BPI: variants seen among roughly 807,000 people sequenced by gnomAD.
BPI encodes the protein bactericidal permeability-increasing protein.
In BPI, 48 loss-of-function variants were observed where a neutral mutation model predicts 57.6. That is an observed-to-expected ratio of 0.83 (90% CI 0.66 to 1.06). The LOEUF (loss-of-function observed/expected upper bound fraction) is 1.06. Ranked by LOEUF, BPI falls within the 50% of genes least tolerant of loss-of-function variation. BPI has a pLI of 0.00. For missense variants in BPI, 651 were observed against 609.7 expected (o/e 1.07, Z -0.71); for synonymous variants, 237 against 238.2 (o/e 0.99, Z 0.05).
chr20:38,304,254 T>C lies in BPI; in HGVS notation c.31T>C (p.Trp11Arg). 1 of 1,614,160 alleles carries C rather than the reference T, an allele frequency of 6.2e-7. No homozygotes were observed. Among genetic ancestry groups the C allele is most frequent in the Non-Finnish European group, 8.5e-7 (1 of 1,180,024 alleles). MARGPCNAPR[W>R]ASLMVLVAIG... ...CAGGGGCCCTTGCAACGCGCCGAGA[T>C]GGGCGTCCCTGATGGTGCTGGTCGC... is the stretch of plus-strand genomic sequence containing the variant. The change falls in exon 1 of 15, where the codon TGG becomes CGG. Residue 11 changes from tryptophan to arginine, a missense_variant. Physicochemically the swap from Trp to Arg is moderately radical, Grantham distance 101. Coordinates refer to ENST00000642449, the MANE Select transcript of BPI (RefSeq NM_001725.3).
chr20:38,322,359 A>G (rs1250320015), intron 7 of BPI, among the ~76,000 whole-genome samples: 1 of 152,242 alleles, frequency 6.6e-6, no homozygotes, highest in African/African-American at 2.4e-5. Context: ...GATTAAAACA[A>G]TAAGTAATTA....
At chr20:38,321,621 G>A (rs1370168797) in intron 7 of BPI, 1 of 152,044 alleles carries the variant, frequency 6.6e-6, no homozygotes, top group East Asian at 1.9e-4. Flanking sequence ...TTGGTGATTT[G>A]CTTGTTTGTT....
intron 11 of BPI, among the ~76,000 whole-genome samples, chr20:38,329,305 T>G (rs1303252092): frequency 6.6e-6 from 1 of 152,132 alleles, no homozygotes; most frequent in Non-Finnish European, 1.5e-5. Flanking sequence ...TCAGCACATT[T>G]GCGCTGTTTT....
At chr20:38,318,293 T>C (rs2076662550) in intron 5 of BPI, 120 bp from the exon 6 acceptor site, 6 of 1,234,092 alleles carry the variant, frequency 4.9e-6, no homozygotes, top group Non-Finnish European at 7.1e-6. Flanking sequence ...GGAAACTTGA[T>C]TGGCTACATA....
intron 5 of BPI, among the ~76,000 whole-genome samples, 191 bp from the exon 6 acceptor site, chr20:38,318,222 A>G (rs1363482127): frequency 2.6e-5 from 4 of 152,150 alleles, no homozygotes; most frequent in African/African-American, 7.2e-5. Context: ...ACAGTCATAT[A>G]CAGTTATTAT....
chr20:38,306,718 G>T (rs1280184166), intron 1 of BPI, among the ~76,000 whole-genome samples: 1 of 152,144 alleles, frequency 6.6e-6, no homozygotes, highest in African/African-American at 2.4e-5. Context: ...GAGATCTGTG[G>T]GGGTGTAGCA....
At chr20:38,310,396 G>A in intron 3 of BPI, 95 bp from the exon 4 acceptor site, 1 of 1,450,718 alleles carries the variant, frequency 6.9e-7, no homozygotes, top group Non-Finnish European at 9.5e-7. Context: ...CTGGAGTGGG[G>A]ATAATAACAA....
intron 3 of BPI, 130 bp from the exon 4 acceptor site, chr20:38,310,361 C>T: frequency 2.6e-6 from 3 of 1,143,312 alleles, no homozygotes; most frequent in Non-Finnish European, 3.7e-6. Flanking sequence ...CAAGCTGCCT[C>T]TTCTCTCTGA....
rs113432519 is a variant in BPI at position 38,333,138 on chromosome 20, C to T, written c.1273-1292C>T. ...CAGCCATTTCTACCAAATGAGATTC[C>T]AAATGAAAGGACCAAATGCAACCTC... On this transcript the variant is annotated intron_variant, in intron 12 of 14. Coordinates refer to ENST00000642449, the MANE Select transcript of BPI (RefSeq NM_001725.3). Among the ~76,000 whole-genome samples the T allele has an allele frequency of 5.3e-5, 8 of 152,170 alleles. 1 individual carries two copies. The highest frequency in any genetic ancestry group is 2.1e-4 in the South Asian group (1 of 4,804).
chr20:38,323,323 T>C (rs569247139), intron 7 of BPI, among the ~76,000 whole-genome samples: 1 of 152,332 alleles, frequency 6.6e-6, no homozygotes, highest in Admixed American at 6.5e-5. Flanking sequence ...GCCAAATTGC[T>C]TTTCAGAAAC....
At chr20:38,335,482 C>T in intron 13 of BPI, 116 bp from the exon 14 acceptor site, 1 of 921,150 alleles carries the variant, frequency 1.1e-6, no homozygotes. Context: ...CCAGTCCCTA[C>T]CTAGGGCCAG....
intron 3 of BPI, 47 bp from the exon 4 acceptor site, chr20:38,310,444 A>T: frequency 1.9e-6 from 3 of 1,589,982 alleles, no homozygotes; most frequent in Non-Finnish European, 2.6e-6. Flanking sequence ...TTTGAATGTC[A>T]GTGGGAAGAA....
chr20:38,336,909 G>T (rs1179433007), intron 14 of BPI, among the ~76,000 whole-genome samples: 1 of 152,096 alleles, frequency 6.6e-6, no homozygotes, highest in Non-Finnish European at 1.5e-5. Flanking sequence ...AGCCCGGGGG[G>T]TCTCCGTGTC....
intron 12 of BPI, 79 bp from the exon 13 acceptor site, chr20:38,334,351 G>A (rs1034625453): frequency 1.3e-5 from 18 of 1,347,088 alleles, no homozygotes; most frequent in Non-Finnish European, 1.8e-5. Context: ...GGGTGACAGA[G>A]GTGGGGTGAT....
chr20:38,307,249 T>C (rs1183363334), intron 1 of BPI, among the ~76,000 whole-genome samples: 1 of 152,094 alleles, frequency 6.6e-6, no homozygotes, highest in Non-Finnish European at 1.5e-5. Flanking sequence ...GTGAAAATTA[T>C]ATGAAATTCT....
Position 38,335,674 on chromosome 20 carries a change from G to C in BPI, c.1413G>C (p.Gln471His). The stretch of plus-strand genomic sequence containing the variant: ...ACAACGTAGTGCTTCAGCCTCACCA[G>C]GTGAGTCCCGGAGTCTTTTCCACAA... ...QLYNVVLQPHQNFLLFGADVV... is the reference protein window; with the variant it reads ...QLYNVVLQPHHNFLLFGADVV... Residue 471 changes from glutamine (Q) to histidine (H), a missense_variant and splice_region_variant, in exon 14 of 15, where the codon CAG (glutamine) becomes CAC (histidine). Gln to His is a conservative substitution (Grantham distance 24). Transcript: ENST00000642449. 3 of 1,613,998 alleles carry C rather than the reference G, an allele frequency of 1.9e-6. No individual in the cohort carries two copies. The highest frequency in any genetic ancestry group is 2.5e-6 in the Non-Finnish European group (3 of 1,179,866).
chr20:38,334,442 C>G lies in BPI; in HGVS notation c.1285C>G (p.Gln429Glu). ...CTCTGATTTCCAGGTTGAATTGCTGCAGGATATCATGAACTACATTGTACC... is the reference window on the plus strand; with the variant it reads ...CTCTGATTTCCAGGTTGAATTGCTGGAGGATATCATGAACTACATTGTACC... Reference protein sequence around the residue: ...NIGPFPVELLQDIMNYIVPIL... With the variant: ...NIGPFPVELLEDIMNYIVPIL... Residue 429 changes from glutamine (Q) to glutamate (E), a missense_variant, in exon 13 of 15, where the codon CAG (glutamine) becomes GAG (glutamate). By Grantham distance (29) the Gln-to-Glu change is conservative. Transcript: ENST00000642449. 6.2e-7 allele frequency: 1 copy of G among 1,613,990 alleles called. No individual in the cohort carries two copies. Among genetic ancestry groups the G allele is most frequent in the Non-Finnish European group, 8.5e-7 (1 of 1,179,854 alleles).
chr20:38,304,651 A>G lies in BPI; in HGVS notation c.130+298A>G, dbSNP rs6024718. On this transcript the variant is annotated intron_variant, in intron 1 of 14. Transcript: ENST00000642449. Reference sequence around the variant, plus strand: ...TCTATGTAACCTCCACCTTTGACTTATAAGCCCTTCTCTTCTTTCCAAAGC... The same window carrying G: ...TCTATGTAACCTCCACCTTTGACTTGTAAGCCCTTCTCTTCTTTCCAAAGC... 0.7 allele frequency among the ~76,000 whole-genome samples: 105,850 copies of G among 152,052 alleles called. 38,280 individuals carry two copies. The highest frequency in any genetic ancestry group is 0.8 in the Non-Finnish European group (54,383 of 67,966).
chr20:38,324,233 T>C (rs984939925), intron 8 of BPI, among the ~76,000 whole-genome samples, 187 bp downstream of exon 8: 3 of 152,224 alleles, frequency 2.0e-5, no homozygotes, highest in African/African-American at 7.2e-5. Context: ...GGTCAATTAC[T>C]GTACCTCTCA....
Sources: gnomAD v4.1 joint callset for allele counts (sites outside exome capture counted in the v4.1 genomes callset) on GRCh38, gnomAD v4.1.1 for gene constraint, MANE v1.5 for transcripts, NCBI Gene and HGNC (gene_info 2026-07-23, HGNC 2026-07-21) for gene names.